BICD1: variants seen among roughly 807,000 people sequenced by gnomAD.
BICD1 encodes BICD cargo adaptor 1.
A neutral mutation model predicts 92.5 loss-of-function variants in BICD1; 35 were observed. That is an observed-to-expected ratio of 0.38 (90% CI 0.29 to 0.50). The LOEUF (loss-of-function observed/expected upper bound fraction) is 0.50. BICD1 is among the 20% of genes least tolerant of loss of function. BICD1 has a pLI of 0.93. For synonymous variants in BICD1, 429 were observed against 465.1 expected (o/e 0.92, Z 1.00); for missense variants, 950 against 1,189.8 (o/e 0.80, Z 2.97).
At chr12:32,248,261 A>G (rs1946439915) in intron 2 of BICD1, among the ~76,000 whole-genome samples, 1 of 152,224 alleles carries the variant, frequency 6.6e-6, no homozygotes, top group African/African-American at 2.4e-5. Flanking sequence ...ATGACTTGGC[A>G]GGAGAGTTTC....
chr12:32,261,033 G>A (rs1946844238), intron 2 of BICD1, among the ~76,000 whole-genome samples: 1 of 152,198 alleles, frequency 6.6e-6, no homozygotes, highest in Non-Finnish European at 1.5e-5. Context: ...ACTGGGCTAG[G>A]CAATCAAGGG....
chr12:32,299,592 G>A (rs1021898746), intron 3 of BICD1, among the ~76,000 whole-genome samples: 5 of 152,094 alleles, frequency 3.3e-5, no homozygotes, highest in African/African-American at 9.7e-5. Context: ...GGCCAGGCAC[G>A]GTGGCTCACA....
chr12:32,113,112 G>T (rs961539922), intron 1 of BICD1, among the ~76,000 whole-genome samples: 1 of 152,174 alleles, frequency 6.6e-6, no homozygotes, highest in Non-Finnish European at 1.5e-5. Flanking sequence ...TACAAGTGCA[G>T]TATAGAAGGT....
chr12:32,141,325 ATT>A (rs35841126), intron 1 of BICD1, among the ~76,000 whole-genome samples: 44,301 of 151,412 alleles, frequency 0.29, 6,796 homozygotes, highest in African/African-American at 0.38. Context: ...TATATTTCTG[ATT>A]TTTTTTTGTC....
At chr12:32,141,227 C>A (rs1942910285) in intron 1 of BICD1, among the ~76,000 whole-genome samples, 1 of 152,156 alleles carries the variant, frequency 6.6e-6, no homozygotes, top group Non-Finnish European at 1.5e-5. Flanking sequence ...TTCGATGTTG[C>A]ACTCCTGTCT....
At chr12:32,365,705 T>C (rs1939503569) in intron 8 of BICD1, among the ~76,000 whole-genome samples, 1 of 152,184 alleles carries the variant, frequency 6.6e-6, no homozygotes, top group Admixed American at 6.5e-5. Context: ...ATCAAAATAG[T>C]TGTCAAATTA....
chr12:32,371,946 G>T (rs1343399665), intron 9 of BICD1, among the ~76,000 whole-genome samples: 1 of 152,152 alleles, frequency 6.6e-6, no homozygotes, highest in Non-Finnish European at 1.5e-5. Flanking sequence ...ACTTGTTCAA[G>T]GTCACATATC....
Position 32,313,334 on chromosome 12 carries a change from TA to T in BICD1, c.1005+7214del, listed in dbSNP as rs1948426023. On this transcript the variant is annotated intron_variant, in intron 4 of 9. Transcript: ENST00000652176. This position sits in a 1 kb window ranked among gnomAD's most constrained non-coding sequence, Gnocchi z 4.2. ...TGATGGTAATTTGCTATATGTCCCATAAGAGTTCAAAGCAATTTTTATATAT... is the reference window on the plus strand; with the variant it reads ...TGATGGTAATTTGCTATATGTCCCATAGAGTTCAAAGCAATTTTTATATAT... 6.6e-6 allele frequency among the ~76,000 whole-genome samples: 1 copy of T among 152,188 alleles called. No individual in the cohort carries two copies. The highest frequency in any genetic ancestry group is 6.5e-5 in the Admixed American group (1 of 15,278).
intron 1 of BICD1, among the ~76,000 whole-genome samples, chr12:32,195,401 A>G (rs1391465490): frequency 6.6e-6 from 1 of 152,250 alleles, no homozygotes; most frequent in African/African-American, 2.4e-5. Flanking sequence ...TCTAGTAATT[A>G]AAACAGTATG....
chr12:32,228,588 C>G (rs926937720), intron 2 of BICD1, among the ~76,000 whole-genome samples: 2 of 152,076 alleles, frequency 1.3e-5, no homozygotes, highest in African/African-American at 4.8e-5. Flanking sequence ...TGCAGTCATC[C>G]AGATATGCAA....
intron 1 of BICD1, among the ~76,000 whole-genome samples, chr12:32,178,364 A>G (rs1944178797): frequency 6.6e-6 from 1 of 151,924 alleles, no homozygotes; most frequent in Admixed American, 6.6e-5. Flanking sequence ...TCTCCAATTG[A>G]CGTCAATCAG....
At chr12:32,232,014 T>A (rs1410722280) in intron 2 of BICD1, among the ~76,000 whole-genome samples, 2 of 151,194 alleles carry the variant, frequency 1.3e-5, no homozygotes, top group South Asian at 2.1e-4. Flanking sequence ...TGGTTCCAAG[T>A]CTTTGCTATT....
intron 7 of BICD1, chr12:32,338,584 T>C: frequency 2.2e-6 from 1 of 460,138 alleles, no homozygotes; most frequent in South Asian, 4.5e-5. Flanking sequence ...TAATAAATCT[T>C]TTTTCCAGTA....
At position 32,151,921 on chromosome 12, in the gene BICD1, G is replaced by A. The variant is rs1943299114; in HGVS notation, c.213+44377G>A. Among the ~76,000 whole-genome samples the A allele has an allele frequency of 3.9e-5, 6 of 152,210 alleles. No homozygotes were observed. The South Asian group carries it at 1.2e-3, about 32-fold the overall frequency. On this transcript the variant is annotated intron_variant, in intron 1 of 9. Coordinates refer to ENST00000652176, the MANE Select transcript of BICD1 (RefSeq NM_001714.4). ...CTGAGACTAGATGTCTTCAGTTCAAGCAGTCAGCAGAGACTTGTTTTTTTG... is the reference window on the plus strand; with the variant it reads ...CTGAGACTAGATGTCTTCAGTTCAAACAGTCAGCAGAGACTTGTTTTTTTG...
At chr12:32,129,117 T>G (rs1942446509) in intron 1 of BICD1, among the ~76,000 whole-genome samples, 1 of 151,922 alleles carries the variant, frequency 6.6e-6, no homozygotes, top group African/African-American at 2.4e-5. Flanking sequence ...TGTATTTTTA[T>G]AGAGATGGGG....
At chr12:32,303,448 T>A (rs1346965119) in intron 3 of BICD1, among the ~76,000 whole-genome samples, 1 of 152,088 alleles carries the variant, frequency 6.6e-6, no homozygotes, top group East Asian at 1.9e-4. Flanking sequence ...CTTCTGACGG[T>A]GTATTTCTCA....
chr12:32,361,552 C>CAAAA (rs369280649), intron 8 of BICD1, among the ~76,000 whole-genome samples: 3 of 75,424 alleles, frequency 4.0e-5, no homozygotes, highest in African/African-American at 8.6e-5. Context: ...GACTCCATCT[C>CAAAA]AAAAAAAAAA....
intron 2 of BICD1, among the ~76,000 whole-genome samples, chr12:32,262,424 G>A (rs1946883261): frequency 6.6e-6 from 1 of 152,044 alleles, no homozygotes; most frequent in Non-Finnish European, 1.5e-5. Flanking sequence ...TCAGACACCT[G>A]CCACCCTTCA....
At chr12:32,322,620 T>G (rs532460121) in intron 4 of BICD1, among the ~76,000 whole-genome samples, 1 of 152,070 alleles carries the variant, frequency 6.6e-6, no homozygotes, top group Non-Finnish European at 1.5e-5. Context: ...GGCCTGGGAG[T>G]TGGGGACTCC....
Sources: allele counts gnomAD v4.1 joint callset (sites outside exome capture counted in the v4.1 genomes callset), GRCh38; gene constraint gnomAD v4.1.1; non-coding constraint Gnocchi (gnomAD v3.1); transcripts MANE v1.5; gene names NCBI Gene and HGNC (gene_info 2026-07-23, HGNC 2026-07-21).